MARCHF7: variants seen among roughly 807,000 people sequenced by gnomAD.
MARCHF7 encodes membrane associated ring-CH-type finger 7.
Under a neutral mutation model 76.5 loss-of-function variants are expected in MARCHF7, and 20 were observed. That is an observed-to-expected ratio of 0.26 (90% confidence interval 0.18 to 0.38). The LOEUF (loss-of-function observed/expected upper bound fraction) is 0.38, where lower values mean the gene tolerates loss of function less well. MARCHF7 is among the 10% of genes least tolerant of loss of function. The pLI, the probability that MARCHF7 is intolerant of heterozygous loss-of-function variation, is 1.00. For synonymous variants in MARCHF7, 295 were observed against 293.0 expected (o/e 1.01, Z -0.07); for missense variants, 797 against 812.9 (o/e 0.98, Z 0.24).
chr2:159,742,826 A>G (rs1482507427), intron 4 of MARCHF7, among the ~76,000 whole-genome samples: 1 of 152,108 alleles, frequency 6.6e-6, no homozygotes, highest in African/African-American at 2.4e-5. Context: ...AATGCCAGCT[A>G]CTCAGGAGGC....
intron 4 of MARCHF7, among the ~76,000 whole-genome samples, chr2:159,736,281 TCTTA>T (rs1242244871): frequency 1.3e-5 from 2 of 152,272 alleles, no homozygotes; most frequent in African/African-American, 4.8e-5. Context: ...TCAGCACTTA[TCTTA>T]CTTTCTGATT....
chr2:159,748,406 T>C lies in MARCHF7; in HGVS notation c.1116T>C (p.Asn372=), dbSNP rs369743575. The C allele has an allele frequency of 6.2e-7, 1 of 1,613,944 alleles. No homozygotes were observed. The highest frequency in any genetic ancestry group is 1.3e-5 in the African/African-American group (1 of 74,928). Residue 372 remains asparagine, a synonymous_variant, in exon 7 of 12, where the codon AAT becomes AAC. Coordinates refer to ENST00000409175, the MANE Select transcript of MARCHF7 (RefSeq NM_001282805.2). Reference sequence around the variant, plus strand: ...ATAGCTCTGAGTCAGATTCAGAAAATTTTAACCAAGAATCTGAAGGTAGAA... The same window carrying C: ...ATAGCTCTGAGTCAGATTCAGAAAACTTTAACCAAGAATCTGAAGGTAGAA... ...HNHSSESDSE[N]FNQESEGRNT... is the part of the protein sequence containing the mutation.
intron 8 of MARCHF7, among the ~76,000 whole-genome samples, chr2:159,755,769 CAT>C (rs1335307059): frequency 5.3e-5 from 8 of 152,226 alleles, no homozygotes; most frequent in African/African-American, 1.9e-4. Context: ...AGCATAGTAA[CAT>C]AGACAACTAT....
chr2:159,716,635 C>A (rs1468804438), intron 3 of MARCHF7, among the ~76,000 whole-genome samples: 2 of 134,408 alleles, frequency 1.5e-5, no homozygotes, highest in African/African-American at 2.8e-5. Flanking sequence ...AGAGTGAGAC[C>A]CTGTCTCCAA....
At chr2:159,727,645 A>C (rs770461339) in intron 3 of MARCHF7, among the ~76,000 whole-genome samples, 1 of 152,174 alleles carries the variant, frequency 6.6e-6, no homozygotes, top group Non-Finnish European at 1.5e-5. Flanking sequence ...CACTGTTACA[A>C]CTCCCAAGTG....
intron 4 of MARCHF7, 42 bp downstream of exon 4, chr2:159,729,217 A>G (rs1056501756): frequency 4.1e-6 from 6 of 1,463,694 alleles, no homozygotes; most frequent in Non-Finnish European, 4.6e-6. Context: ...GCCTTTTTCA[A>G]AATCCCTAGG....
chr2:159,758,595 T>TA (rs1368714150), intron 8 of MARCHF7, among the ~76,000 whole-genome samples: 2 of 152,238 alleles, frequency 1.3e-5, no homozygotes, highest in African/African-American at 4.8e-5. Context: ...AATCATAAAA[T>TA]ATTTGTCCTT....
intron 7 of MARCHF7, among the ~76,000 whole-genome samples, chr2:159,749,971 T>C (rs1041548944): frequency 2.0e-5 from 3 of 152,224 alleles, no homozygotes; most frequent in African/African-American, 7.2e-5. Flanking sequence ...AAATCTTTTT[T>C]TGGAATTTGA....
At chr2:159,739,680 CTG>C (rs1240001821) in intron 4 of MARCHF7, among the ~76,000 whole-genome samples, 1 of 152,114 alleles carries the variant, frequency 6.6e-6, no homozygotes, top group Non-Finnish European at 1.5e-5. Flanking sequence ...TTGCTTCAGA[CTG>C]AGGATATTTG....
At chr2:159,738,988 C>T (rs903274534) in intron 4 of MARCHF7, among the ~76,000 whole-genome samples, 5 of 152,208 alleles carry the variant, frequency 3.3e-5, no homozygotes, top group Non-Finnish European at 7.4e-5. Context: ...AAAGTCCAGA[C>T]GGGGGCCAAG....
In MARCHF7 at chr2:159,762,957, G is replaced by T; in HGVS notation, c.1971G>T (p.Met657Ile). 6.2e-7 allele frequency: 1 copy of T among 1,612,844 alleles called. No homozygotes were observed. The highest frequency in any genetic ancestry group is 8.5e-7 in the Non-Finnish European group (1 of 1,179,598). The change falls in exon 10 of 12, where the codon ATG (methionine) becomes ATT (isoleucine). Residue 657 changes from methionine to isoleucine, a missense_variant. Transcript: ENST00000409175. ...TGTGCGAACAAAGCTTTTCTGATAT[G>T]ATGGGAAATACAAATGAACCAAGCA... Reference protein sequence around the residue: ...LHLCEQSFSDMMGNTNEPSTR... With the variant: ...LHLCEQSFSDIMGNTNEPSTR...
At chr2:159,747,097 A>G (rs1193104554) in intron 6 of MARCHF7, among the ~76,000 whole-genome samples, 2 of 152,334 alleles carry the variant, frequency 1.3e-5, no homozygotes, top group South Asian at 2.1e-4. Context: ...GGAATCCTGT[A>G]GTATTTCTCA....
At chr2:159,736,785 A>G (rs1048406927) in intron 4 of MARCHF7, among the ~76,000 whole-genome samples, 4 of 152,218 alleles carry the variant, frequency 2.6e-5, no homozygotes, top group Non-Finnish European at 5.9e-5. Flanking sequence ...AGTTATATAA[A>G]GTCTTGGAAA....
At chr2:159,740,601 T>C (rs886961790) in intron 4 of MARCHF7, among the ~76,000 whole-genome samples, 1 of 152,190 alleles carries the variant, frequency 6.6e-6, no homozygotes, top group African/African-American at 2.4e-5. Flanking sequence ...ATGGTTTGAT[T>C]CTAAAATATC....
At chr2:159,735,998 A>G (rs1703410815) in intron 4 of MARCHF7, among the ~76,000 whole-genome samples, 1 of 152,186 alleles carries the variant, frequency 6.6e-6, no homozygotes, top group African/African-American at 2.4e-5. Context: ...ATGGTGGTGC[A>G]CACCTGTAGT....
intron 4 of MARCHF7, among the ~76,000 whole-genome samples, chr2:159,734,703 G>A (rs559080434): frequency 6.6e-6 from 1 of 152,028 alleles, no homozygotes; most frequent in South Asian, 2.1e-4. Flanking sequence ...TGGACATGGT[G>A]GCTCACTCCT....
At chr2:159,739,205 C>A (rs1703834078) in intron 4 of MARCHF7, among the ~76,000 whole-genome samples, 2 of 152,204 alleles carry the variant, frequency 1.3e-5, no homozygotes. Context: ...TCCCACCCCA[C>A]CAACTTGGAA....
In MARCHF7 at chr2:159,747,946, G is replaced by C. The variant is rs759853466; in HGVS notation, c.656G>C (p.Arg219Thr). The C allele has an allele frequency of 3.1e-6, 5 of 1,614,060 alleles. No homozygotes were observed. In the South Asian group the frequency reaches 5.5e-5, roughly 18 times the overall value. Reference sequence around the variant, plus strand: ...ACCATACTAAGTTCTAGGGACTCCAGAAATTCTTTAAGATCAAATTTTTCT... The same window carrying C: ...ACCATACTAAGTTCTAGGGACTCCACAAATTCTTTAAGATCAAATTTTTCT... ...HQTILSSRDS[R>T]NSLRSNFSSR... The change falls in exon 7 of 12, where the codon AGA becomes ACA. Residue 219 changes from arginine (R) to threonine (T), a missense_variant. Arg to Thr is a moderately conservative substitution (Grantham distance 71, BLOSUM62 -1). Transcript: ENST00000409175.
chr2:159,719,647 A>G (rs7606046), intron 3 of MARCHF7, among the ~76,000 whole-genome samples: 52,754 of 151,672 alleles, frequency 0.35, 9,330 homozygotes, highest in South Asian at 0.43. Context: ...CAGTTTTTCA[A>G]TTTTACCTAG....
Sources: allele counts gnomAD v4.1 joint callset (sites outside exome capture counted in the v4.1 genomes callset), GRCh38; gene constraint gnomAD v4.1.1; transcripts MANE v1.5; gene names NCBI Gene and HGNC (gene_info 2026-07-23, HGNC 2026-07-21).